The following RDX variants were observed in gnomAD, a reference collection of about 807,000 sequenced individuals.
The protein encoded by RDX is radixin.
RDX carries 32 observed loss-of-function variants against 83.7 expected under a neutral mutation model. That is an observed-to-expected ratio of 0.38 (90% CI 0.29 to 0.51). RDX has a LOEUF of 0.51. RDX is among the 20% of genes least tolerant of loss of function. RDX has a pLI of 0.87. For missense variants in RDX, 600 were observed against 689.9 expected, an observed-to-expected ratio of 0.87 and a Z score of 1.46; for synonymous variants, 229 against 222.7, an observed-to-expected ratio of 1.03 and a Z score of -0.25.
At chr11:110,204,472 T>C (rs1591509233) in intron 14 of RDX, among the ~76,000 whole-genome samples, 1 of 151,562 alleles carries the variant, frequency 6.6e-6, no homozygotes, top group East Asian at 1.9e-4. Context: ...GAATGCTTAA[T>C]ATTGTACAGC....
intron 1 of RDX, among the ~76,000 whole-genome samples, chr11:110,294,167 G>A (rs953218874): frequency 1.3e-5 from 2 of 152,260 alleles, no homozygotes; most frequent in Non-Finnish European, 2.9e-5. Flanking sequence ...GCCGAGGCGG[G>A]CAGAACGCCG....
intron 11 of RDX, 65 bp downstream of exon 11, chr11:110,237,427 C>CT: frequency 6.7e-7 from 1 of 1,491,350 alleles, no homozygotes; most frequent in Non-Finnish European, 9.1e-7. Flanking sequence ...TTCTTTTTTT[C>CT]TTTTTTAGAG....
At chr11:110,295,653 A>AAAC (rs773064957) in intron 1 of RDX, among the ~76,000 whole-genome samples, 3,821 of 150,942 alleles carry the variant, frequency 0.025, 104 homozygotes, top group East Asian at 0.073. Context: ...AAAAAAAAAA[A>AAAC]AAAACAAAAA....
At chr11:110,184,165 C>T (rs1206423667) in intron 15 of RDX, among the ~76,000 whole-genome samples, 2 of 152,220 alleles carry the variant, frequency 1.3e-5, no homozygotes, top group East Asian at 1.9e-4. Flanking sequence ...GCGCTGGAGA[C>T]GGAGCTGATC....
chr11:110,192,298 A>G (rs970240405), intron 15 of RDX, among the ~76,000 whole-genome samples: 6 of 152,208 alleles, frequency 3.9e-5, no homozygotes, highest in Non-Finnish European at 5.9e-5. Context: ...AGGACTCCCT[A>G]TTTAATAAAT....
At chr11:110,284,400 G>A (rs573164163) in intron 1 of RDX, among the ~76,000 whole-genome samples, 117 of 152,204 alleles carry the variant, frequency 7.7e-4, no homozygotes, top group African/African-American at 2.6e-3. Flanking sequence ...CAGGGTTGTG[G>A]GGGTTTTTTA....
intron 11 of RDX, among the ~76,000 whole-genome samples, chr11:110,236,915 C>T (rs763775081): frequency 1.8e-4 from 28 of 151,908 alleles, no homozygotes; most frequent in Non-Finnish European, 4.1e-4. Context: ...CCACTGTGCC[C>T]GGCCATCATT....
intron 1 of RDX, among the ~76,000 whole-genome samples, chr11:110,285,684 G>A (rs1860952140): frequency 7.8e-6 from 1 of 128,408 alleles, no homozygotes; most frequent in African/African-American, 2.9e-5. Flanking sequence ...CTACACTTCA[G>A]CCTGGGCGAC....
At chr11:110,202,989 C>A (rs1207594698) in intron 14 of RDX, among the ~76,000 whole-genome samples, 1 of 151,988 alleles carries the variant, frequency 6.6e-6, no homozygotes, top group Non-Finnish European at 1.5e-5. Flanking sequence ...ACCATATGAT[C>A]CAGCAACCCC....
intron 15 of RDX, chr11:110,196,061 G>A (rs1481292264): frequency 6.6e-6 from 1 of 152,206 alleles, no homozygotes; most frequent in Non-Finnish European, 1.5e-5. Context: ...TGGAATACTG[G>A]TCCATCCAGT....
At chr11:110,201,464 T>TA (rs1233115085) in intron 14 of RDX, among the ~76,000 whole-genome samples, 5 of 152,174 alleles carry the variant, frequency 3.3e-5, no homozygotes, top group South Asian at 4.2e-4. Flanking sequence ...TGAGTTTCCC[T>TA]AACAGGGAAA....
At chr11:110,266,332 C>CAA (rs1195226483) in intron 3 of RDX, among the ~76,000 whole-genome samples, 1 of 135,384 alleles carries the variant, frequency 7.4e-6, no homozygotes. Context: ...GACTCCGTCT[C>CAA]AAAAAAAAAA....
In RDX at chr11:110,183,385, C is replaced by T. The variant is rs1326680364; in HGVS notation, c.*32-8151G>A. ...CTCTGTCACCCAGGCTGGAGTACAGCGGCACAATCACAGCTCACTGCAGCT... is the reference window on the plus strand; with the variant it reads ...CTCTGTCACCCAGGCTGGAGTACAGTGGCACAATCACAGCTCACTGCAGCT... On this transcript the variant is annotated intron_variant, in intron 15 of 15. Coordinates refer to the RDX transcript ENST00000528498. Among the ~76,000 whole-genome samples the T allele has an allele frequency of 5.9e-5, 9 of 152,154 alleles. No individual in the cohort carries two copies. In the South Asian group the frequency reaches 6.2e-4, roughly 10 times the overall value.
intron 15 of RDX, among the ~76,000 whole-genome samples, chr11:110,177,016 G>A (rs1862788141): frequency 6.6e-6 from 1 of 152,202 alleles, no homozygotes; most frequent in African/African-American, 2.4e-5. Flanking sequence ...TTGCCCAAAA[G>A]ACCCTCTGAG....
intron 15 of RDX, among the ~76,000 whole-genome samples, chr11:110,182,875 G>A (rs1201756466): frequency 6.6e-6 from 1 of 152,150 alleles, no homozygotes; most frequent in East Asian, 1.9e-4. Flanking sequence ...ATGTATTTGG[G>A]GAGGAACAAA....
intron 15 of RDX, among the ~76,000 whole-genome samples, chr11:110,197,942 T>C (rs1489709656): frequency 1.3e-5 from 2 of 152,340 alleles, no homozygotes; most frequent in African/African-American, 2.4e-5. Context: ...GTTTTGGTAG[T>C]GTCATGAAAT....
At position 110,295,308 on chromosome 11, in the gene RDX, T is replaced by TAAA. The variant is rs200732024; in HGVS notation, c.-65+1156_-65+1158dup. Among the ~76,000 whole-genome samples, 63 of 127,322 alleles carry TAAA rather than the reference T, an allele frequency of 4.9e-4. 2 individuals are homozygous for TAAA. In the South Asian group the frequency reaches 6.2e-3, roughly 13 times the overall value. 83.5% of individuals were successfully genotyped at this position (127,322 alleles called of 152,430 possible). ...TCATATAAAAGAGTATTTAGTGTTCTAAAAAAAAAAAAAAAAAAAGAAGTA... is the reference window on the plus strand; with the variant it reads ...TCATATAAAAGAGTATTTAGTGTTCTAAAAAAAAAAAAAAAAAAAAAAGAAGTA... On this transcript the variant is annotated intron_variant, in intron 1 of 13. Coordinates refer to ENST00000645495, the MANE Select transcript of RDX (RefSeq NM_002906.4).
intron 1 of RDX, among the ~76,000 whole-genome samples, chr11:110,286,792 C>T (rs1397851906): frequency 1.3e-5 from 2 of 152,200 alleles, no homozygotes; most frequent in Non-Finnish European, 2.9e-5. Context: ...TAAGGCAACT[C>T]TGGCAGTCCA....
downstream of RDX, among the ~76,000 whole-genome samples, chr11:110,228,150 T>C (rs1436166528): frequency 6.6e-6 from 1 of 152,072 alleles, no homozygotes; most frequent in Non-Finnish European, 1.5e-5. Flanking sequence ...TAAAATTATT[T>C]AACTGGAAAA....
Sources: allele counts gnomAD v4.1 joint callset (sites outside exome capture counted in the v4.1 genomes callset), GRCh38; gene constraint gnomAD v4.1.1; transcripts MANE v1.5; gene names NCBI Gene and HGNC (gene_info 2026-07-23, HGNC 2026-07-21).